OR2AK2: variants seen among roughly 807,000 people sequenced by gnomAD.
OR2AK2 encodes olfactory receptor family 2 subfamily AK member 2, also known as olfactory receptor 2AK2.
For synonymous variants in OR2AK2, 139 were observed against 147.2 expected, an observed-to-expected ratio of 0.94 and a Z score of 0.40; for missense variants, 392 against 384.1, an observed-to-expected ratio of 1.02 and a Z score of -0.17.
chr1:247,966,001 CT>C lies in OR2AK2; in HGVS notation c.626del (p.Leu209HisfsTer4), dbSNP rs1660962295. 6.2e-7 allele frequency: 1 copy of C among 1,612,516 alleles called. No homozygotes were observed. The highest frequency in any genetic ancestry group is 1.7e-5 in the Admixed American group (1 of 59,864). ...CCTGAGTGGACTTATTATCTTGCTACTACCATTCCTAGCCATTCTGGCTTCC... is the reference window on the plus strand; with the variant it reads ...CCTGAGTGGACTTATTATCTTGCTACACCATTCCTAGCCATTCTGGCTTCC... On this transcript the variant is annotated frameshift_variant, in exon 1 of 1. Coordinates refer to ENST00000366480, the Ensembl canonical transcript of OR2AK2. LOFTEE classifies it low-confidence loss of function (END_TRUNC).
chr1:247,966,195 G>A (rs764697677), exon 1 of OR2AK2: 11 of 1,613,852 alleles, frequency 6.8e-6, no homozygotes, highest in Admixed American at 5.0e-5. Context: ...GGGATAAGGC[G>A]GTGGCAGTAT....
At chr1:247,965,296 A>G (rs764581307) in exon 1 of OR2AK2, 1 of 1,443,946 alleles carries the variant, frequency 6.9e-7, no homozygotes, top group Non-Finnish European at 9.2e-7. Flanking sequence ...ATGCCATGTC[A>G]TTTTACTTTC....
chr1:247,966,212 C>G (rs142759758), exon 1 of OR2AK2: 4 of 1,613,510 alleles, frequency 2.5e-6, no homozygotes, highest in Non-Finnish European at 2.5e-6. Flanking sequence ...GTATTTTACA[C>G]CATTGTCACA....
At chr1:247,965,823 G>T in exon 1 of OR2AK2, 1 of 1,612,548 alleles carries the variant, frequency 6.2e-7, no homozygotes, top group Non-Finnish European at 8.5e-7. Context: ...CATGTGCATG[G>T]GCCAGTGGTT....
chr1:247,965,701 G>A, exon 1 of OR2AK2: 2 of 1,555,540 alleles, frequency 1.3e-6, no homozygotes, highest in Admixed American at 2.0e-5. Flanking sequence ...GGCCCTTGGT[G>A]GAACTGAAGC....
At chr1:247,965,940 G>T (rs1660960462) in exon 1 of OR2AK2, 1 of 1,609,290 alleles carries the variant, frequency 6.2e-7, no homozygotes, top group Non-Finnish European at 8.5e-7. Context: ...TATCATTGGT[G>T]TGTCAGGACA....
chr1:247,966,204 A>G (rs1660971002), exon 1 of OR2AK2: 2 of 1,613,660 alleles, frequency 1.2e-6, no homozygotes, highest in African/African-American at 2.7e-5. Context: ...CGGTGGCAGT[A>G]TTTTACACCA....
exon 1 of OR2AK2, chr1:247,966,035 G>C: frequency 6.2e-7 from 1 of 1,613,956 alleles, no homozygotes; most frequent in Non-Finnish European, 8.5e-7. Context: ...TCCTATGCTC[G>C]TGTGCTTATT....
Position 247,965,447 on chromosome 1 carries a change from ACTCT to A in OR2AK2, c.74_77del (p.Ser25PhefsTer14). ...GGTCTTTTCCAATATGGCTGGATAA[ACTCT>A]CTTCTCTTTGTCGTCATTGCCACCC... is the stretch of plus-strand genomic sequence containing the variant. On this transcript the variant is annotated frameshift_variant, in exon 1 of 1. Transcript: ENST00000366480. LOFTEE classifies it low-confidence loss of function (END_TRUNC). 1 of 1,613,458 alleles carries A rather than the reference ACTCT, an allele frequency of 6.2e-7. No individual in the cohort carries two copies. The highest frequency in any genetic ancestry group is 8.5e-7 in the Non-Finnish European group (1 of 1,179,712).
chr1:247,965,543 A>C, exon 1 of OR2AK2: 1 of 1,612,412 alleles, frequency 6.2e-7, no homozygotes, highest in Non-Finnish European at 8.5e-7. Flanking sequence ...ACCAGACTCC[A>C]CACTCCAATG....
In OR2AK2 at chr1:247,965,739, T is replaced by A. The variant is rs1161309847; in HGVS notation, c.363T>A (p.Asp121Glu). 1 of 1,563,588 alleles carries A rather than the reference T, an allele frequency of 6.4e-7. No homozygotes were observed. The highest frequency in any genetic ancestry group is 2.3e-5 in the East Asian group (1 of 44,440). Reference sequence around the variant, plus strand: ...TTCTCCTTGGTTTTATGTCTTATGATCGCTATGTAGCTATCTGTCACCCTT... The same window carrying A: ...TTCTCCTTGGTTTTATGTCTTATGAACGCTATGTAGCTATCTGTCACCCTT... The change falls in exon 1 of 1, where the codon GAT becomes GAA. Residue 121 changes from aspartate (D) to glutamate (E), a missense_variant. Physicochemically the swap from Asp to Glu is conservative, Grantham distance 45 (BLOSUM62 2). Transcript: ENST00000366480.
chr1:247,965,317 A>G (rs1161443835), exon 1 of OR2AK2: 18 of 1,517,928 alleles, frequency 1.2e-5, no homozygotes, highest in South Asian at 6.7e-5. Flanking sequence ...TCTTAAGGGA[A>G]GTCAACATTA....
Sources: allele counts gnomAD v4.1 joint callset, GRCh38; gene constraint gnomAD v4.1.1; transcripts MANE v1.5; gene names NCBI Gene and HGNC (gene_info 2026-07-23, HGNC 2026-07-21).